The following TUSC3 variants were observed in gnomAD, a reference collection of about 807,000 sequenced individuals.
TUSC3 encodes dolichyl-diphosphooligosaccharide--protein glycosyltransferase subunit TUSC3.
Under a neutral mutation model 44.8 loss-of-function variants are expected in TUSC3, and 45 were observed. The ratio of observed to expected loss-of-function variants is 1.00; its 90% CI spans 0.79 to 1.29. The LOEUF (loss-of-function observed/expected upper bound fraction) is 1.29, where lower values mean the gene tolerates loss of function less well. TUSC3 is among the 50% of genes most tolerant of loss of function. The probability of loss-of-function intolerance (pLI) is 0.00; values close to 1 mark genes in which losing one functional copy is unlikely to be tolerated. For synonymous variants in TUSC3, 212 were observed against 152.9 expected (o/e 1.39, Z -2.85); for missense variants, 519 against 437.9 (o/e 1.19, Z -1.65).
intron 2 of TUSC3, among the ~76,000 whole-genome samples, chr8:15,496,593 T>C (rs1425374838): frequency 6.6e-6 from 1 of 152,162 alleles, no homozygotes; most frequent in Non-Finnish European, 1.5e-5. Context: ...TCAGCACATT[T>C]CCAGCTGGGC....
chr8:15,753,468 C>T (rs958137831), intron 9 of TUSC3, among the ~76,000 whole-genome samples: 1 of 152,040 alleles, frequency 6.6e-6, no homozygotes, highest in East Asian at 1.9e-4. Context: ...ATGACATTTA[C>T]AGTATCCTCC....
downstream of TUSC3, among the ~76,000 whole-genome samples, chr8:15,770,195 A>G (rs545299630): frequency 6.6e-6 from 1 of 152,308 alleles, no homozygotes; most frequent in East Asian, 1.9e-4. Context: ...GATAAAGAAA[A>G]TGTGGCACAT....
At position 15,765,224 on chromosome 8, in the gene TUSC3, A is replaced by G. The variant is rs780133841; in HGVS notation, c.*1068A>G. On this transcript the variant is annotated 3_prime_UTR_variant, in exon 11 of 11. Coordinates refer to ENST00000503731, the MANE Select transcript of TUSC3 (RefSeq NM_006765.4). The stretch of plus-strand genomic sequence containing the variant: ...TTTATCTGACTCATAGAACTAATGG[A>G]AGCTGAAAGCCAAAAATAAAGTTTA... 6.6e-6 allele frequency: 1 copy of G among 152,060 alleles called. No individual in the cohort carries two copies. Among genetic ancestry groups the G allele is most frequent in the Non-Finnish European group, 1.5e-5 (1 of 67,954 alleles). 9.4% of individuals were successfully genotyped at this position (152,060 alleles called of 1,614,324 possible).
At chr8:15,673,198 T>C (rs963859821) in intron 5 of TUSC3, among the ~76,000 whole-genome samples, 2 of 152,096 alleles carry the variant, frequency 1.3e-5, no homozygotes, top group Admixed American at 6.6e-5. Context: ...TTGCGAGTTA[T>C]TCCTGGCTAT....
chr8:15,653,296 C>T (rs1029433759), intron 3 of TUSC3, among the ~76,000 whole-genome samples: 2 of 152,136 alleles, frequency 1.3e-5, no homozygotes, highest in Admixed American at 6.5e-5. Flanking sequence ...GTAGCTAGAT[C>T]TCTCTCAAGA....
At chr8:15,691,312 A>C (rs760009760) in intron 6 of TUSC3, among the ~76,000 whole-genome samples, 1 of 151,764 alleles carries the variant, frequency 6.6e-6, no homozygotes, top group Non-Finnish European at 1.5e-5. Context: ...TTCACCTTGG[A>C]TGTTTTTGGT....
At chr8:15,803,543 T>A in the TUSC3 span, among the ~76,000 whole-genome samples, 1 of 152,162 alleles carries the variant, frequency 6.6e-6, no homozygotes, top group African/African-American at 2.4e-5. Flanking sequence ...AAAGGTTAAA[T>A]AGATTCATTT....
Position 15,669,852 on chromosome 8 carries a change from A to G in TUSC3, c.709-3895A>G, listed in dbSNP as rs189968510. 3.1e-3 allele frequency among the ~76,000 whole-genome samples: 466 copies of G among 151,804 alleles called. 2 individuals are homozygous for G. Among genetic ancestry groups the G allele is most frequent in the African/African-American group, 0.011 (454 of 41,472 alleles). ...ATTAAGACCAAAACAAAAAACCCAC[A>G]CACATCCCGGTAAAAATAAAATTGC... On this transcript the variant is annotated intron_variant, in intron 5 of 10. Transcript: ENST00000503731.
chr8:15,582,656 C>A (rs1243948248), intron 1 of TUSC3, among the ~76,000 whole-genome samples: 1 of 152,202 alleles, frequency 6.6e-6, no homozygotes, highest in Non-Finnish European at 1.5e-5. Flanking sequence ...GGATAAAGCA[C>A]TGGTCACATG....
At chr8:15,711,674 C>T (rs756380521) in intron 6 of TUSC3, among the ~76,000 whole-genome samples, 20 of 151,600 alleles carry the variant, frequency 1.3e-4, no homozygotes, top group Non-Finnish European at 2.7e-4. Flanking sequence ...AAGGATATAA[C>T]CTGTTTTGTC....
intron 1 of TUSC3, among the ~76,000 whole-genome samples, chr8:15,556,536 G>A (rs1802273121): frequency 6.7e-6 from 1 of 150,094 alleles, no homozygotes; most frequent in South Asian, 2.1e-4. Flanking sequence ...GGATGGCTGG[G>A]TCAAATGGTA....
chr8:15,801,220 T>A, the TUSC3 span, among the ~76,000 whole-genome samples: 7 of 152,244 alleles, frequency 4.6e-5, no homozygotes, highest in African/African-American at 1.7e-4. Flanking sequence ...CTCTCCTTTT[T>A]AGACCATATA....
chr8:15,502,917 C>G (rs180906557), intron 2 of TUSC3, among the ~76,000 whole-genome samples: 2 of 152,258 alleles, frequency 1.3e-5, no homozygotes, highest in African/African-American at 4.8e-5. Flanking sequence ...TTGACGAAGT[C>G]TTTATTCTAT....
At chr8:15,673,085 T>G (rs376519896) in intron 5 of TUSC3, among the ~76,000 whole-genome samples, 1 of 152,100 alleles carries the variant, frequency 6.6e-6, no homozygotes, top group Non-Finnish European at 1.5e-5. Flanking sequence ...CTGTGACTTC[T>G]GGTTTATGCA....
At chr8:15,479,354 T>C (rs934227642) in intron 1 of TUSC3, among the ~76,000 whole-genome samples, 2 of 152,216 alleles carry the variant, frequency 1.3e-5, no homozygotes, top group Non-Finnish European at 2.9e-5. Context: ...ATGATATTTT[T>C]GCCCGTGCCT....
chr8:15,608,134 A>G (rs1804613032), intron 1 of TUSC3, among the ~76,000 whole-genome samples: 1 of 152,122 alleles, frequency 6.6e-6, no homozygotes, highest in South Asian at 2.1e-4. Flanking sequence ...GGCTTTTACC[A>G]TAGCTTATTT....
intron 1 of TUSC3, among the ~76,000 whole-genome samples, chr8:15,437,361 T>C (rs1799962105): frequency 6.6e-6 from 1 of 152,194 alleles, no homozygotes; most frequent in East Asian, 1.9e-4. Context: ...TCTAAGCAGC[T>C]TTTATTTTTC....
intron 1 of TUSC3, among the ~76,000 whole-genome samples, chr8:15,471,096 C>G (rs1800487132): frequency 6.7e-6 from 1 of 150,214 alleles, no homozygotes; most frequent in African/African-American, 2.5e-5. Context: ...TACCTGTTTA[C>G]TAACTGTGTG....
chr8:15,737,574 T>C (rs572967750), intron 7 of TUSC3, among the ~76,000 whole-genome samples: 70 of 152,194 alleles, frequency 4.6e-4, no homozygotes, highest in African/African-American at 1.6e-3. Context: ...TCAATAAAAA[T>C]GTGCAAAGTA....
Sources: gnomAD v4.1 joint callset for allele counts (sites outside exome capture counted in the v4.1 genomes callset) on GRCh38, gnomAD v4.1.1 for gene constraint, MANE v1.5 for transcripts, NCBI Gene and HGNC (gene_info 2026-07-23, HGNC 2026-07-21) for gene names.